The following ARB2A variants were observed in gnomAD, a reference collection of about 807,000 sequenced individuals.
ARB2A encodes ARB2 cotranscriptional regulator A.
the ARB2A span, among the ~76,000 whole-genome samples, chr5:93,870,728 A>AG: frequency 7.9e-5 from 12 of 152,174 alleles, no homozygotes; most frequent in African/African-American, 2.2e-4. Flanking sequence ...CTGCCACATA[A>AG]GGGGGGGTGG....
the ARB2A span, among the ~76,000 whole-genome samples, chr5:93,875,987 T>C: frequency 2.0e-5 from 3 of 152,202 alleles, no homozygotes; most frequent in African/African-American, 7.2e-5. Flanking sequence ...TTTGACTTAG[T>C]TCTCAACCCA....
the ARB2A span, chr5:93,804,794 CAA>C: frequency 3.8e-6 from 2 of 526,792 alleles, no homozygotes; most frequent in Non-Finnish European, 4.9e-6. Flanking sequence ...TTGCCTAAAA[CAA>C]AGTATATCTT....
At chr5:93,827,017 C>T in the ARB2A span, among the ~76,000 whole-genome samples, 1 of 151,840 alleles carries the variant, frequency 6.6e-6, no homozygotes, top group African/African-American at 2.4e-5. Flanking sequence ...TGGGTTGGTT[C>T]CAAGTCTTTG....
the ARB2A span, among the ~76,000 whole-genome samples, chr5:93,890,528 C>T: frequency 6.6e-6 from 1 of 151,646 alleles, no homozygotes; most frequent in Non-Finnish European, 1.5e-5. Context: ...TTTAAATTTC[C>T]TTTTTAGAAA....
the ARB2A span, among the ~76,000 whole-genome samples, chr5:94,071,787 C>T: frequency 6.6e-6 from 1 of 152,066 alleles, no homozygotes. Context: ...GGTACAGCCA[C>T]TCTGGAAAAT....
chr5:93,740,683 A>G, the ARB2A span: 1 of 1,613,928 alleles, frequency 6.2e-7, no homozygotes, highest in South Asian at 1.1e-5. Context: ...CCCCAGTCCC[A>G]GGTGAAAGCA....
the ARB2A span, among the ~76,000 whole-genome samples, chr5:93,730,319 T>C: frequency 6.6e-6 from 1 of 152,130 alleles, no homozygotes; most frequent in African/African-American, 2.4e-5. Context: ...GATTGGCTTT[T>C]CAGGGGAGTA....
chr5:94,054,650 C>A, the ARB2A span, among the ~76,000 whole-genome samples: 1 of 152,100 alleles, frequency 6.6e-6, no homozygotes, highest in South Asian at 2.1e-4. Flanking sequence ...ATAATCTATT[C>A]TTTCGAGGTG....
At chr5:94,018,455 T>C in the ARB2A span, among the ~76,000 whole-genome samples, 3 of 152,094 alleles carry the variant, frequency 2.0e-5, no homozygotes, top group Non-Finnish European at 4.4e-5. Context: ...TTGGTGTAGG[T>C]CTCCACTATG....
chr5:93,626,805 C>T, the ARB2A span, among the ~76,000 whole-genome samples: 29 of 152,168 alleles, frequency 1.9e-4, no homozygotes, highest in Admixed American at 4.6e-4. Context: ...TGCTAAAGAT[C>T]AAGGTGGTTG....
the ARB2A span, among the ~76,000 whole-genome samples, chr5:93,756,496 G>A: frequency 6.6e-6 from 1 of 152,128 alleles, no homozygotes; most frequent in East Asian, 1.9e-4. Context: ...ACCTCCACTG[G>A]AACAGGCGTT....
chr5:94,049,197 C>T, the ARB2A span, among the ~76,000 whole-genome samples: 3 of 152,124 alleles, frequency 2.0e-5, no homozygotes, highest in African/African-American at 7.2e-5. Flanking sequence ...TACCAAACTA[C>T]TCACCTAAAT....
the ARB2A span, among the ~76,000 whole-genome samples, chr5:93,986,768 A>G: frequency 6.6e-6 from 1 of 152,192 alleles, no homozygotes; most frequent in Admixed American, 6.5e-5. Flanking sequence ...GGTTAAATGG[A>G]TTAAGGGCGG....
chr5:93,956,595 GA>G, the ARB2A span, among the ~76,000 whole-genome samples: 2 of 151,470 alleles, frequency 1.3e-5, no homozygotes, highest in African/African-American at 2.4e-5. Flanking sequence ...CTAACTTCTG[GA>G]AAATTTTGGA....
chr5:93,948,375 ATTTG>A, the ARB2A span, among the ~76,000 whole-genome samples: 1 of 151,986 alleles, frequency 6.6e-6, no homozygotes, highest in South Asian at 2.1e-4. Context: ...TTTCTTGTAA[ATTTG>A]TTTGAGTTCA....
chr5:93,986,053 G>T, the ARB2A span, among the ~76,000 whole-genome samples: 316 of 149,196 alleles, frequency 2.1e-3, 1 homozygote, highest in African/African-American at 7.4e-3. Context: ...GGGATGTGAG[G>T]AGCGCCTCTG....
the ARB2A span, among the ~76,000 whole-genome samples, chr5:94,087,855 G>A: frequency 7.9e-5 from 12 of 152,262 alleles, no homozygotes; most frequent in African/African-American, 2.9e-4. Flanking sequence ...TTGGAGCCTT[G>A]GAGCAATATA....
the ARB2A span, among the ~76,000 whole-genome samples, chr5:94,102,087 T>C: frequency 6.7e-6 from 1 of 149,258 alleles, no homozygotes; most frequent in Admixed American, 6.7e-5. Context: ...GAAATAATAT[T>C]AATAATTCCA....
the ARB2A span, among the ~76,000 whole-genome samples, chr5:93,837,197 G>C: frequency 6.6e-6 from 1 of 152,144 alleles, no homozygotes; most frequent in African/African-American, 2.4e-5. Flanking sequence ...CTCACTTATA[G>C]GTGAGAACAT....
Sources: allele counts gnomAD v4.1 joint callset (sites outside exome capture counted in the v4.1 genomes callset), GRCh38; gene constraint gnomAD v4.1.1; transcripts MANE v1.5; gene names NCBI Gene and HGNC (gene_info 2026-07-23, HGNC 2026-07-21).